Variants in SCAP observed in about 807,000 individuals in gnomAD.
The protein encoded by SCAP is SREBF chaperone.
SCAP carries 65 observed loss-of-function variants against 123.6 expected under a neutral mutation model. The ratio of observed to expected loss-of-function variants is 0.53; its 90% CI spans 0.43 to 0.65. The LOEUF (loss-of-function observed/expected upper bound fraction) is 0.65. SCAP is among the 30% of genes least tolerant of loss of function. The pLI, the probability that SCAP is intolerant of heterozygous loss-of-function variation, is 0.00. For missense variants in SCAP, 1,398 were observed against 1,712.5 expected, an observed-to-expected ratio of 0.82 and a Z score of 3.24; for synonymous variants, 740 against 726.3, an observed-to-expected ratio of 1.02 and a Z score of -0.30.
chr3:47,457,918 A>G (rs532804164), intron 1 of SCAP, among the ~76,000 whole-genome samples: 3 of 152,056 alleles, frequency 2.0e-5, no homozygotes, highest in Admixed American at 6.5e-5. Flanking sequence ...AAATAAATAA[A>G]TAAAAAGAAA....
chr3:47,464,921 T>A (rs112741837), intron 1 of SCAP, among the ~76,000 whole-genome samples: 1 of 152,160 alleles, frequency 6.6e-6, no homozygotes, highest in Non-Finnish European at 1.5e-5. Context: ...AACAAAGTTG[T>A]AGGATGCAAA....
intron 18 of SCAP, among the ~76,000 whole-genome samples, chr3:47,416,631 T>C (rs1401863366): frequency 1.5e-5 from 2 of 136,212 alleles, no homozygotes; most frequent in Non-Finnish European, 3.2e-5. Context: ...TTTTTTTTTT[T>C]TTTTTTTTTT....
chr3:47,423,440 C>A (rs1705995220), intron 9 of SCAP, among the ~76,000 whole-genome samples: 1 of 152,246 alleles, frequency 6.6e-6, no homozygotes, highest in African/African-American at 2.4e-5. Flanking sequence ...CCCACCCACA[C>A]TGAAGTGCAG....
At chr3:47,427,098 C>T (rs991961757) in intron 6 of SCAP, 59 bp downstream of exon 6, 9 of 1,268,156 alleles carry the variant, frequency 7.1e-6, no homozygotes, top group Admixed American at 1.7e-5. Flanking sequence ...AGAGGGACTA[C>T]TCAAAGCCTC....
chr3:47,429,460 C>A (rs918085361), intron 3 of SCAP, among the ~76,000 whole-genome samples: 2 of 152,196 alleles, frequency 1.3e-5, no homozygotes, highest in South Asian at 4.1e-4. Context: ...CACCTCAGCA[C>A]CCCCACCCAC....
At position 47,426,101 on chromosome 3, in the gene SCAP, T is replaced by G. The variant is rs1706116446; in HGVS notation, c.806A>C (p.Glu269Ala). 6.2e-7 allele frequency: 1 copy of G among 1,613,948 alleles called. No homozygotes were observed. The highest frequency in any genetic ancestry group is 1.1e-5 in the South Asian group (1 of 91,082). The change falls in exon 7 of 23, where the codon GAG becomes GCG. Residue 269 changes from glutamate (E) to alanine (A), a missense_variant. By Grantham distance (107) the Glu-to-Ala change is moderately radical (BLOSUM62 -1). Transcript: ENST00000265565. The stretch of plus-strand genomic sequence containing the variant: ...CTTGAAGTGCACGTGGACCAGGCTC[T>G]CCGCCCGAAGGCTGCAGTTGGGGCT... ...HPSPNCSLRA[E>A]SLVHVHFKEE...
upstream of SCAP, among the ~76,000 whole-genome samples, chr3:47,476,394 G>A (rs565718259): frequency 2.6e-5 from 4 of 152,250 alleles, no homozygotes; most frequent in African/African-American, 9.6e-5. Flanking sequence ...CCGGGAGGTC[G>A]AGGCCACAGT....
Position 47,420,623 on chromosome 3 carries a change from C to G in SCAP, c.1494G>C (p.Leu498=). The change falls in exon 12 of 23, where the codon CTG becomes CTC. Residue 498 remains leucine, a synonymous_variant. Coordinates refer to ENST00000265565, the MANE Select transcript of SCAP (RefSeq NM_012235.4). This position sits in a 1 kb window ranked among gnomAD's most constrained non-coding sequence, Gnocchi z 5.0. Reference sequence around the variant, plus strand: ...CAACACGCAGCCTCTTGGGGAGCCGCAGGTTTCGGAAGGAAGACGGCTGCA... The same window carrying G: ...CAACACGCAGCCTCTTGGGGAGCCGGAGGTTTCGGAAGGAAGACGGCTGCA... ...ITLQPSSFRN[L]RLPKRLRVVY... The G allele has an allele frequency of 1.2e-6, 2 of 1,612,294 alleles. No individual in the cohort carries two copies. The highest frequency in any genetic ancestry group is 4.5e-5 in the East Asian group (2 of 44,868).
intron 9 of SCAP, 199 bp from the exon 10 acceptor site, chr3:47,422,735 C>G (rs1036351339): frequency 3.9e-6 from 2 of 507,346 alleles, no homozygotes; most frequent in Non-Finnish European, 7.1e-6. Context: ...CACACAGCTG[C>G]TACGGGGAAC....
At position 47,420,560 on chromosome 3, in the gene SCAP, G is replaced by A. The variant is rs932991632; in HGVS notation, c.1557C>T (p.Leu519=). ...GGGCAGGGGTGGCAGGTACCATGAT[G>A]AGGCGCTGTGCCAGGCGGGTGCGGG... is the stretch of plus-strand genomic sequence containing the variant. ...FLARTRLAQR[L]IMAGTVVWIG... is the part of the protein sequence containing the mutation. The change falls in exon 12 of 23, where the codon CTC becomes CTT. Residue 519 remains leucine, a synonymous_variant. Coordinates refer to ENST00000265565, the MANE Select transcript of SCAP (RefSeq NM_012235.4). This position sits in a 1 kb window ranked among gnomAD's most constrained non-coding sequence, Gnocchi z 5.0. The A allele has an allele frequency of 1.9e-6, 3 of 1,598,878 alleles. No homozygotes were observed. The African/African-American group carries it at 4.0e-5, about 21-fold the overall frequency.
At chr3:47,443,113 C>T (rs142809139) in intron 1 of SCAP, 22 bp from the exon 2 acceptor site, 2 of 1,516,306 alleles carry the variant, frequency 1.3e-6, no homozygotes, top group African/African-American at 1.4e-5. Context: ...GGAGAAAAGC[C>T]AGTTAACAAA....
chr3:47,416,026 T>C (rs949808591), intron 18 of SCAP, among the ~76,000 whole-genome samples: 2 of 152,172 alleles, frequency 1.3e-5, no homozygotes, highest in African/African-American at 2.4e-5. Flanking sequence ...CCAAAGCCCA[T>C]GCAGAACCTG....
Position 47,414,190 on chromosome 3 carries a change from G to C in SCAP, c.3584C>G (p.Ser1195Cys). ...CCCCATCCCCTCTACCTGCTGAATG[G>C]AGTAGAACTTGATGCCTGTGCTGCG... is the stretch of plus-strand genomic sequence containing the variant. ...WDRSTGIKFY[S>C]IQQDLGCGAS... Residue 1195 changes from serine to cysteine, a missense_variant, in exon 22 of 23, where the codon TCC becomes TGC. Transcript: ENST00000265565. 1 of 1,613,716 alleles carries C rather than the reference G, an allele frequency of 6.2e-7. No individual in the cohort carries two copies. Among genetic ancestry groups the C allele is most frequent in the East Asian group, 2.2e-5 (1 of 44,884 alleles).
At chr3:47,464,850 C>G (rs901538350) in intron 1 of SCAP, among the ~76,000 whole-genome samples, 1 of 152,166 alleles carries the variant, frequency 6.6e-6, no homozygotes, top group Non-Finnish European at 1.5e-5. Flanking sequence ...TCCTAGATGA[C>G]ATGATCTTAC....
intron 2 of SCAP, among the ~76,000 whole-genome samples, chr3:47,438,158 G>A (rs1706658014): frequency 6.6e-6 from 1 of 152,192 alleles, no homozygotes; most frequent in Non-Finnish European, 1.5e-5. Context: ...CTTGGATATA[G>A]CAACTTTTGT....
intron 2 of SCAP, among the ~76,000 whole-genome samples, chr3:47,441,261 G>A (rs938156501): frequency 8.5e-5 from 13 of 152,110 alleles, no homozygotes; most frequent in Non-Finnish European, 2.9e-5. Flanking sequence ...AGTACCATCA[G>A]AGAGTAAAAC....
chr3:47,428,000 T>C (rs891918474), intron 4 of SCAP, among the ~76,000 whole-genome samples: 18 of 152,170 alleles, frequency 1.2e-4, no homozygotes, highest in Non-Finnish European at 2.1e-4. Flanking sequence ...AATTAGGGGC[T>C]TCATTTAGTT....
rs35075035 is a variant in SCAP, at chr3:47,448,002, C to CAAAA, written c.-98-4915_-98-4912dup. Among the ~76,000 whole-genome samples, 92 of 66,318 alleles carry CAAAA rather than the reference C, an allele frequency of 1.4e-3. 7 individuals are homozygous for CAAAA. Among genetic ancestry groups the CAAAA allele is most frequent in the African/African-American group, 5.4e-3 (80 of 14,856 alleles). 43.5% of individuals were successfully genotyped at this position (66,318 alleles called of 152,430 possible). ...CCTGGGCAAGAGGGAGACTCCGTCT[C>CAAAA]AAAAAAAAAAAAAAAAAAAAAAAAA... On this transcript the variant is annotated intron_variant, in intron 1 of 22. Transcript: ENST00000265565.
At chr3:47,426,272 C>G (rs1227089573) in intron 6 of SCAP, 103 bp from the exon 7 acceptor site, 3 of 1,207,690 alleles carry the variant, frequency 2.5e-6, no homozygotes, top group African/African-American at 3.1e-5. Flanking sequence ...CCTCCTGCCC[C>G]TGTGTTGAAA....
Sources: gnomAD v4.1 joint callset for allele counts (sites outside exome capture counted in the v4.1 genomes callset) on GRCh38, gnomAD v4.1.1 for gene constraint, Gnocchi (gnomAD v3.1) non-coding constraint, MANE v1.5 for transcripts, NCBI Gene and HGNC (gene_info 2026-07-23, HGNC 2026-07-21) for gene names.